The following CCDC146 variants were observed in gnomAD, a reference collection of about 807,000 sequenced individuals.
The protein encoded by CCDC146 is coiled-coil domain containing 146.
CCDC146 carries 92 observed loss-of-function variants against 119.3 expected under a neutral mutation model. The ratio of observed to expected loss-of-function variants is 0.77; its 90% CI spans 0.65 to 0.92. CCDC146 has a LOEUF of 0.92. Ranked by LOEUF, CCDC146 falls within the 40% of genes least tolerant of loss-of-function variation. The pLI is 0.00. For missense variants in CCDC146, 1,000 were observed against 1,103.0 expected (o/e 0.91, Z 1.32); for synonymous variants, 372 against 371.8 (o/e 1.00, Z -0.01).
chr7:77,257,478 C>T (rs369360463), intron 6 of CCDC146, among the ~76,000 whole-genome samples: 1 of 152,134 alleles, frequency 6.6e-6, no homozygotes, highest in African/African-American at 2.4e-5. Flanking sequence ...ACATAGGACC[C>T]TAGCAGAGAT....
chr7:77,287,523 G>C lies in CCDC146; in HGVS notation c.2361G>C (p.Arg787Ser), dbSNP rs150539476. The stretch of plus-strand genomic sequence containing the variant: ...AGCAGGTCTCCAGGCTCACAGACAG[G>C]CTCTGCAGCAAAACTCAGGGCTGCA... ...IYEQVSRLTD[R>S]LCSKTQGCKQ... Residue 787 changes from arginine to serine, a missense_variant, in exon 17 of 19, where the codon AGG becomes AGC. This residue lies in a region of CCDC146 where 985 missense variants were observed against 1,045.3 expected (regional missense o/e 0.94). Coordinates refer to ENST00000285871, the MANE Select transcript of CCDC146 (RefSeq NM_020879.3). The C allele has an allele frequency of 1.2e-6, 2 of 1,614,032 alleles. No homozygotes were observed. Among genetic ancestry groups the C allele is most frequent in the Non-Finnish European group, 1.7e-6 (2 of 1,179,996 alleles).
intron 2 of CCDC146, among the ~76,000 whole-genome samples, chr7:77,215,271 G>T (rs1420516906): frequency 6.8e-6 from 1 of 147,942 alleles, no homozygotes; most frequent in Non-Finnish European, 1.5e-5. Flanking sequence ...TTAGCTCATT[G>T]CCAGTCCTCC....
chr7:77,151,605 A>T (rs1052381217), intron 1 of CCDC146, among the ~76,000 whole-genome samples: 2 of 152,146 alleles, frequency 1.3e-5, no homozygotes, highest in African/African-American at 4.8e-5. Context: ...CATATGAATT[A>T]TACCTCAATA....
At chr7:77,261,195 GGTT>G (rs963827499) in intron 8 of CCDC146, among the ~76,000 whole-genome samples, 4 of 151,952 alleles carry the variant, frequency 2.6e-5, no homozygotes, top group African/African-American at 9.7e-5. Context: ...TGTCATGGGG[GGTT>G]GTTGTACAGA....
At chr7:77,254,726 A>C (rs1584115129) in intron 5 of CCDC146, among the ~76,000 whole-genome samples, 163 bp downstream of exon 5, 3 of 152,216 alleles carry the variant, frequency 2.0e-5, no homozygotes, top group East Asian at 3.8e-4. Flanking sequence ...TAACTTCTGG[A>C]GTAAATATAA....
intron 1 of CCDC146, among the ~76,000 whole-genome samples, chr7:77,163,859 T>C: frequency 7.3e-6 from 1 of 137,904 alleles, no homozygotes; most frequent in African/African-American, 2.7e-5. Context: ...TTCTTTTTTT[T>C]CTTTTTTTTT....
chr7:77,289,746 A>G (rs1793910568), intron 17 of CCDC146, among the ~76,000 whole-genome samples: 1 of 152,238 alleles, frequency 6.6e-6, no homozygotes, highest in Admixed American at 6.5e-5. Context: ...ATGGGAGCAG[A>G]AAGTGGGAAA....
intron 1 of CCDC146, among the ~76,000 whole-genome samples, chr7:77,159,945 ATAAGGTG>A (rs1485353460): frequency 5.3e-5 from 8 of 152,164 alleles, no homozygotes; most frequent in African/African-American, 1.4e-4. Context: ...TAATTTTTGT[ATAAGGTG>A]TAAGGAAGGG....
In CCDC146 at chr7:77,263,577, A is replaced by G. The variant is rs1334232863; in HGVS notation, c.1173+1270A>G. Among the ~76,000 whole-genome samples, 2 of 152,230 alleles carry G rather than the reference A, an allele frequency of 1.3e-5. 1 individual carries two copies. The highest frequency in any genetic ancestry group is 2.9e-5 in the Non-Finnish European group (2 of 68,042). ...TCGGTTAGGGTTATGAGTGTTACGAACAACTAGGACTTGGACTTCGTCTTG... is the reference window on the plus strand; with the variant it reads ...TCGGTTAGGGTTATGAGTGTTACGAGCAACTAGGACTTGGACTTCGTCTTG... On this transcript the variant is annotated intron_variant, in intron 9 of 18. Transcript: ENST00000285871.
At chr7:77,274,673 A>G in intron 11 of CCDC146, 21 bp downstream of exon 11, 2 of 1,593,786 alleles carry the variant, frequency 1.3e-6, no homozygotes, top group East Asian at 4.5e-5. Flanking sequence ...TTTTTTAACC[A>G]TTCATTGATA....
At chr7:77,291,306 C>T (rs1793938920) in intron 17 of CCDC146, among the ~76,000 whole-genome samples, 1 of 152,104 alleles carries the variant, frequency 6.6e-6, no homozygotes, top group Non-Finnish European at 1.5e-5. Context: ...TTACAGGAAC[C>T]CCTAATTCCA....
Position 77,257,707 on chromosome 7 carries a change from G to A in CCDC146, c.684+1198G>A, listed in dbSNP as rs143165991. 9.2e-5 allele frequency among the ~76,000 whole-genome samples: 14 copies of A among 152,306 alleles called. No individual in the cohort carries two copies. In the East Asian group the frequency reaches 1.5e-3, roughly 17 times the overall value. ...GTCTCGCCCACCACACTGCAGTGAC[G>A]GATTCAACCTCCCTGCATGTGTGTT... On this transcript the variant is annotated intron_variant, in intron 6 of 18. Coordinates refer to ENST00000285871, the MANE Select transcript of CCDC146 (RefSeq NM_020879.3).
At chr7:77,261,766 C>T (rs1171159956) in intron 8 of CCDC146, among the ~76,000 whole-genome samples, 7 of 152,204 alleles carry the variant, frequency 4.6e-5, no homozygotes, top group African/African-American at 7.2e-5. Context: ...CGTGAGCCAC[C>T]GCGCCCAGCC....
intron 7 of CCDC146, among the ~76,000 whole-genome samples, chr7:77,259,776 G>A (rs752267928): frequency 6.6e-5 from 10 of 152,084 alleles, no homozygotes; most frequent in African/African-American, 9.7e-5. Flanking sequence ...AGGGAGGCTG[G>A]GCAAATTCCT....
At chr7:77,148,855 C>G (rs926979481) in intron 1 of CCDC146, among the ~76,000 whole-genome samples, 34 of 152,114 alleles carry the variant, frequency 2.2e-4, no homozygotes, top group African/African-American at 8.0e-4. Flanking sequence ...GAAAAACATT[C>G]CATGCTCATG....
intron 2 of CCDC146, among the ~76,000 whole-genome samples, chr7:77,227,818 T>G (rs1031864169): frequency 1.1e-4 from 16 of 152,204 alleles, no homozygotes; most frequent in African/African-American, 3.1e-4. Context: ...AAGTAATACA[T>G]ATTGGAAAAA....
At chr7:77,171,456 T>C (rs1027590836) in intron 2 of CCDC146, among the ~76,000 whole-genome samples, 1 of 152,186 alleles carries the variant, frequency 6.6e-6, no homozygotes, top group Non-Finnish European at 1.5e-5. Context: ...ATAATACCCA[T>C]ATACCTTAAT....
chr7:77,212,370 C>G (rs1792201124), intron 2 of CCDC146, among the ~76,000 whole-genome samples: 2 of 151,758 alleles, frequency 1.3e-5, no homozygotes, highest in African/African-American at 4.8e-5. Context: ...GCCTGTAATC[C>G]CAGCACTTTA....
chr7:77,280,082 A>G (rs1221724706), intron 13 of CCDC146, among the ~76,000 whole-genome samples: 2 of 152,206 alleles, frequency 1.3e-5, no homozygotes, highest in African/African-American at 4.8e-5. Context: ...CCTTATGTCC[A>G]GTGGACATTA....
Sources: allele counts gnomAD v4.1 joint callset (sites outside exome capture counted in the v4.1 genomes callset), GRCh38; gene constraint gnomAD v4.1.1; regional missense constraint gnomAD v4.1.1; transcripts MANE v1.5; gene names NCBI Gene and HGNC (gene_info 2026-07-23, HGNC 2026-07-21).